ZNF407: variants seen among roughly 807,000 people sequenced by gnomAD.
ZNF407 encodes the protein zinc finger protein 407.
Under a neutral mutation model 131.2 loss-of-function variants are expected in ZNF407, and 17 were observed. The observed-to-expected ratio is 0.13, with a 90% CI of 0.09 to 0.19. ZNF407 has a LOEUF of 0.19. Among genes scored for constraint, ZNF407 ranks in the 10% least tolerant of loss-of-function variants. ZNF407 has a pLI of 1.00. For missense variants in ZNF407, 2,681 were observed against 2,830.6 expected, an observed-to-expected ratio of 0.95 and a Z score of 1.20; for synonymous variants, 1,156 against 1,062.0, an observed-to-expected ratio of 1.09 and a Z score of -1.72.
rs77163317 is a variant in ZNF407, at chr18:74,823,329, T to C, written c.4877+41827T>C. Among the ~76,000 whole-genome samples, 210 of 152,308 alleles carry C rather than the reference T, an allele frequency of 1.4e-3. 5 individuals are homozygous for C. The East Asian group carries it at 0.025, about 18-fold the overall frequency. Reference sequence around the variant, plus strand: ...TAACAGGCAAAATAACCAGCTAGCATCATTATGACAGGATCAAATTCACAC... The same window carrying C: ...TAACAGGCAAAATAACCAGCTAGCACCATTATGACAGGATCAAATTCACAC... On this transcript the variant is annotated intron_variant, in intron 4 of 8. Coordinates refer to ENST00000299687, the MANE Select transcript of ZNF407 (RefSeq NM_017757.3).
At chr18:74,731,743 G>C (rs1036995978) in intron 3 of ZNF407, among the ~76,000 whole-genome samples, 1 of 152,120 alleles carries the variant, frequency 6.6e-6, no homozygotes, top group African/African-American at 2.4e-5. Flanking sequence ...AGAGGAGTGA[G>C]TGTCAAAGTC....
At chr18:74,722,432 A>C (rs1384859247) in intron 3 of ZNF407, among the ~76,000 whole-genome samples, 1 of 152,196 alleles carries the variant, frequency 6.6e-6, no homozygotes, top group East Asian at 1.9e-4. Context: ...CAGTTGCTCA[A>C]GCATGGCTCA....
At chr18:74,689,536 A>G (rs528744128) in intron 3 of ZNF407, among the ~76,000 whole-genome samples, 13 of 152,328 alleles carry the variant, frequency 8.5e-5, no homozygotes, top group African/African-American at 3.1e-4. Context: ...ATATCTCTTG[A>G]TTCTGCCACA....
chr18:75,050,296 A>G (rs1035701054), intron 8 of ZNF407, among the ~76,000 whole-genome samples: 9 of 152,182 alleles, frequency 5.9e-5, no homozygotes, highest in Admixed American at 3.9e-4. Context: ...CTTTAAGAAA[A>G]TAAGTATTAT....
chr18:74,877,436 T>C lies in ZNF407; in HGVS notation c.5044+73T>C, dbSNP rs1971174968. On this transcript the variant is annotated intron_variant, in intron 5 of 8. Transcript: ENST00000299687. ...TGGGTGGACTGTGGGAACAGAGGCA[T>C]TAATTATCCCATCTTCATAGTAATC... 1.2e-5 allele frequency: 16 copies of C among 1,366,906 alleles called. 1 individual carries two copies. Among genetic ancestry groups the C allele is most frequent in the Non-Finnish European group, 1.6e-5 (16 of 977,182 alleles). 84.7% of individuals were successfully genotyped at this position (1,366,906 alleles called of 1,614,324 possible).
chr18:74,758,526 T>C (rs1969017161), intron 3 of ZNF407, among the ~76,000 whole-genome samples: 1 of 152,172 alleles, frequency 6.6e-6, no homozygotes, highest in South Asian at 2.1e-4. Context: ...AAATTTGTAA[T>C]TACTGTTTTA....
intron 8 of ZNF407, among the ~76,000 whole-genome samples, chr18:75,025,518 C>T (rs1455774270): frequency 6.6e-6 from 1 of 152,166 alleles, no homozygotes; most frequent in African/African-American, 2.4e-5. Context: ...TTTGGAGGAG[C>T]AGGTCTGTGC....
intron 8 of ZNF407, among the ~76,000 whole-genome samples, chr18:75,057,099 G>A (rs1295288562): frequency 6.6e-6 from 1 of 152,056 alleles, no homozygotes; most frequent in Non-Finnish European, 1.5e-5. Context: ...TTACGACAAG[G>A]AACCATCCCA....
intron 3 of ZNF407, among the ~76,000 whole-genome samples, chr18:74,730,285 C>G (rs1211137214): frequency 6.6e-6 from 1 of 152,188 alleles, no homozygotes; most frequent in Non-Finnish European, 1.5e-5. Context: ...GTAATGGCTT[C>G]TCTAGCTTGA....
Position 75,064,734 on chromosome 18 carries a change from G to C in ZNF407, c.*266G>C, listed in dbSNP as rs929091729. 2.1e-5 allele frequency: 8 copies of C among 383,720 alleles called. No homozygotes were observed. The highest frequency in any genetic ancestry group is 4.0e-5 in the Admixed American group (1 of 24,764). 23.8% of individuals were successfully genotyped at this position (383,720 alleles called of 1,614,324 possible). A position where few individuals can be genotyped will look rare whatever the true frequency, so the allele number is the denominator to read the frequency against. On this transcript the variant is annotated 3_prime_UTR_variant, in exon 9 of 9. Coordinates refer to ENST00000299687, the MANE Select transcript of ZNF407 (RefSeq NM_017757.3). ...CGCACAGGGAGCTCCGGTCCACTGG[G>C]GGCCCTTCGATCAGTGGCCTCCCGC...
At chr18:74,978,668 A>G (rs192385065) in intron 8 of ZNF407, among the ~76,000 whole-genome samples, 6 of 151,840 alleles carry the variant, frequency 4.0e-5, no homozygotes, top group African/African-American at 1.5e-4. Context: ...GGTAGAGTAC[A>G]GTTTTGGTTT....
Position 74,623,894 on chromosome 18 carries a change from A to G in ZNF407, c.-53-7073A>G, listed in dbSNP as rs907760304. Among the ~76,000 whole-genome samples, 9 of 152,244 alleles carry G rather than the reference A, an allele frequency of 5.9e-5. No individual in the cohort carries two copies. The East Asian group carries it at 1.7e-3, about 29-fold the overall frequency. On this transcript the variant is annotated intron_variant, in intron 1 of 8. Coordinates refer to ENST00000299687, the MANE Select transcript of ZNF407 (RefSeq NM_017757.3). ...TTTGGGTAAGATGGATACTTGGGGAATCTTGGTGGCACAGTGAAGAGATGT... is the reference window on the plus strand; with the variant it reads ...TTTGGGTAAGATGGATACTTGGGGAGTCTTGGTGGCACAGTGAAGAGATGT...
intron 4 of ZNF407, among the ~76,000 whole-genome samples, chr18:74,798,934 T>C (rs1158348986): frequency 6.6e-6 from 1 of 152,164 alleles, no homozygotes; most frequent in Non-Finnish European, 1.5e-5. Flanking sequence ...TAATTTTTAA[T>C]CTCTTACTTG....
intron 3 of ZNF407, among the ~76,000 whole-genome samples, chr18:74,744,229 G>C (rs568970115): frequency 6.6e-6 from 1 of 152,216 alleles, no homozygotes; most frequent in South Asian, 2.1e-4. Context: ...GACAAGTGGG[G>C]CACCTCCCCA....
At chr18:74,804,977 C>T (rs559383746) in intron 4 of ZNF407, among the ~76,000 whole-genome samples, 2 of 152,262 alleles carry the variant, frequency 1.3e-5, no homozygotes, top group African/African-American at 2.4e-5. Context: ...ATTCAGCTAC[C>T]GTTGTTTCAG....
At chr18:74,942,414 C>T (rs1342276218) in intron 8 of ZNF407, among the ~76,000 whole-genome samples, 1 of 152,148 alleles carries the variant, frequency 6.6e-6, no homozygotes, top group Non-Finnish European at 1.5e-5. Context: ...TGGGAAAGTA[C>T]CTACCCCAGC....
At chr18:74,676,603 A>ATTTCT (rs199721653) in intron 3 of ZNF407, among the ~76,000 whole-genome samples, 29,144 of 150,976 alleles carry the variant, frequency 0.19, 3,106 homozygotes, top group East Asian at 0.49. Context: ...TGCCCGGGTA[A>ATTTCT]TTTTGTATTT....
chr18:75,003,924 A>G (rs150998067), intron 8 of ZNF407, among the ~76,000 whole-genome samples: 1 of 152,218 alleles, frequency 6.6e-6, no homozygotes, highest in Non-Finnish European at 1.5e-5. Flanking sequence ...ACTTGAGCAA[A>G]TGGCAGCAGG....
At position 74,920,656 on chromosome 18, in the gene ZNF407, G is replaced by A. The variant is rs1371576595; in HGVS notation, c.5392G>A (p.Asp1798Asn). 1 of 1,610,092 alleles carries A rather than the reference G, an allele frequency of 6.2e-7. No individual in the cohort carries two copies. Among genetic ancestry groups the A allele is most frequent in the Non-Finnish European group, 8.5e-7 (1 of 1,176,676 alleles). Residue 1798 changes from aspartate to asparagine, a missense_variant, in exon 8 of 9, where the codon GAC becomes AAC. By Grantham distance (23) the Asp-to-Asn change is conservative (BLOSUM62 1). This residue lies in a region of ZNF407 where 39 missense variants were observed against 91.8 expected (regional missense o/e 0.42). Transcript: ENST00000299687. The part of the protein sequence containing the change: ...FRNHLKEQHP[D>N]IENPDLAYLH... Reference sequence around the variant, plus strand: ...GAACCATTTGAAGGAACAGCATCCTGACATCGAAAACCCGGACCTCGCTTA... The same window carrying A: ...GAACCATTTGAAGGAACAGCATCCTAACATCGAAAACCCGGACCTCGCTTA...
Sources: gnomAD v4.1 joint callset for allele counts (sites outside exome capture counted in the v4.1 genomes callset) on GRCh38, gnomAD v4.1.1 for gene constraint, gnomAD v4.1.1 regional missense constraint, MANE v1.5 for transcripts, NCBI Gene and HGNC (gene_info 2026-07-23, HGNC 2026-07-21) for gene names.